GABRB2: variants seen among roughly 807,000 people sequenced by gnomAD.
GABRB2 encodes gamma-aminobutyric acid type A receptor subunit beta2.
Under a neutral mutation model 54.7 loss-of-function variants are expected in GABRB2, and 16 were observed. That is an observed-to-expected ratio of 0.29 (90% CI 0.20 to 0.44). The LOEUF (loss-of-function observed/expected upper bound fraction) is 0.44. GABRB2 is among the 20% of genes least tolerant of loss of function. The pLI is 1.00. For synonymous variants in GABRB2, 244 were observed against 233.8 expected (o/e 1.04, Z -0.40); for missense variants, 355 against 644.0 (o/e 0.55, Z 4.86).
At chr5:161,346,827 T>G (rs1754330851) in intron 5 of GABRB2, among the ~76,000 whole-genome samples, 1 of 152,166 alleles carries the variant, frequency 6.6e-6, no homozygotes, top group South Asian at 2.1e-4. Context: ...GGAAATTATC[T>G]TTTTTACTCA....
chr5:161,501,088 A>G (rs1451824878), intron 3 of GABRB2, among the ~76,000 whole-genome samples: 1 of 151,756 alleles, frequency 6.6e-6, no homozygotes, highest in Non-Finnish European at 1.5e-5. Flanking sequence ...TGTTTTAAAT[A>G]ATAAACTTCC....
At chr5:161,372,982 CATTT>C (rs1474686572) in intron 5 of GABRB2, among the ~76,000 whole-genome samples, 16 of 152,120 alleles carry the variant, frequency 1.1e-4, no homozygotes, top group African/African-American at 3.9e-4. Context: ...TAACATAGGA[CATTT>C]ATTTATAGAA....
At chr5:161,400,984 TAA>T (rs1756169226) in intron 5 of GABRB2, among the ~76,000 whole-genome samples, 1 of 152,152 alleles carries the variant, frequency 6.6e-6, no homozygotes, top group African/African-American at 2.4e-5. Flanking sequence ...TGTCTACTGC[TAA>T]AAGACTTCCC....
chr5:161,371,740 G>C (rs1755138331), intron 5 of GABRB2, among the ~76,000 whole-genome samples: 1 of 151,816 alleles, frequency 6.6e-6, no homozygotes, highest in Non-Finnish European at 1.5e-5. Context: ...TATTGTTTTT[G>C]AGACAGGGTC....
At chr5:161,411,132 A>T in intron 4 of GABRB2, 75 bp from the exon 5 acceptor site, 1 of 1,117,536 alleles carries the variant, frequency 8.9e-7, no homozygotes, top group South Asian at 1.3e-5. Context: ...TCTAAGTATC[A>T]AAGAAGAGAC....
chr5:161,336,829 AGAC>A, intron 5 of GABRB2, 60 bp from the exon 6 acceptor site: 1 of 1,479,336 alleles, frequency 6.8e-7, no homozygotes, highest in Non-Finnish European at 9.1e-7. Flanking sequence ...AAAAAAAAAC[AGAC>A]AAAACAGAAA....
intron 3 of GABRB2, among the ~76,000 whole-genome samples, chr5:161,483,060 C>T (rs1181523435): frequency 6.6e-6 from 1 of 151,972 alleles, no homozygotes; most frequent in Admixed American, 6.6e-5. Context: ...AATTTAATGG[C>T]TACCAATAAG....
intron 5 of GABRB2, among the ~76,000 whole-genome samples, chr5:161,394,179 T>C (rs1755924387): frequency 6.6e-6 from 1 of 151,766 alleles, no homozygotes; most frequent in Middle Eastern, 3.4e-3. Context: ...AGCATGAAAA[T>C]ACATTAAGAT....
At chr5:161,385,010 T>G (rs980952692) in intron 5 of GABRB2, among the ~76,000 whole-genome samples, 1 of 152,144 alleles carries the variant, frequency 6.6e-6, no homozygotes, top group African/African-American at 2.4e-5. Flanking sequence ...TTAAATATGC[T>G]TTTCCAAGAC....
intron 5 of GABRB2, among the ~76,000 whole-genome samples, chr5:161,397,725 C>T (rs1248502013): frequency 6.6e-6 from 1 of 152,246 alleles, no homozygotes; most frequent in Non-Finnish European, 1.5e-5. Context: ...AGTTTAACAC[C>T]TTAACGACCA....
At chr5:161,452,559 T>C (rs537193991) in intron 4 of GABRB2, among the ~76,000 whole-genome samples, 11 of 152,346 alleles carry the variant, frequency 7.2e-5, no homozygotes, top group African/African-American at 2.4e-4. Flanking sequence ...TGCTTGCGCT[T>C]CAGCTGAGTT....
At chr5:161,530,555 C>G (rs1282452977) in intron 3 of GABRB2, among the ~76,000 whole-genome samples, 4 of 151,962 alleles carry the variant, frequency 2.6e-5, no homozygotes, top group Non-Finnish European at 4.4e-5. Flanking sequence ...TGTTACAAAG[C>G]AATTGGAAAA....
At chr5:161,506,358 G>C (rs1156754513) in intron 3 of GABRB2, among the ~76,000 whole-genome samples, 2 of 152,090 alleles carry the variant, frequency 1.3e-5, no homozygotes, top group Non-Finnish European at 2.9e-5. Context: ...ACTCCCATTA[G>C]GCATTTTGTA....
chr5:161,345,549 C>G (rs1459002478), intron 5 of GABRB2, among the ~76,000 whole-genome samples: 1 of 152,068 alleles, frequency 6.6e-6, no homozygotes, highest in Non-Finnish European at 1.5e-5. Flanking sequence ...CCTCAAGGTT[C>G]TGGTTCAAGT....
rs1055487227 is a variant in GABRB2 at position 161,293,990 on chromosome 5, C to T, written c.*91G>A. On this transcript the variant is annotated 3_prime_UTR_variant, in exon 10 of 10. Transcript: ENST00000393959. The stretch of plus-strand genomic sequence containing the variant: ...TAAGGTATTTTAGCGTCACTTTTGT[C>T]CTGGATTGATGTGTTTTCCAAGTCC... 29 of 990,914 alleles carry T rather than the reference C, an allele frequency of 2.9e-5. No individual in the cohort carries two copies. In the South Asian group the frequency reaches 3.9e-4, roughly 13 times the overall value. 61.4% of individuals were successfully genotyped at this position (990,914 alleles called of 1,614,324 possible). A position where few individuals can be genotyped will look rare whatever the true frequency, so the allele number is the denominator to read the frequency against.
intron 5 of GABRB2, among the ~76,000 whole-genome samples, chr5:161,351,713 A>G (rs1754475494): frequency 6.6e-6 from 1 of 152,140 alleles, no homozygotes; most frequent in Non-Finnish European, 1.5e-5. Flanking sequence ...GAATACATCA[A>G]ATTAAAAGGC....
chr5:161,393,390 G>T (rs1295568807), intron 5 of GABRB2, among the ~76,000 whole-genome samples: 1 of 138,784 alleles, frequency 7.2e-6, no homozygotes, highest in Non-Finnish European at 1.5e-5. Flanking sequence ...AAAAGGCCAC[G>T]GGCTGGATTT....
intron 5 of GABRB2, among the ~76,000 whole-genome samples, chr5:161,384,885 G>C (rs993573567): frequency 1.4e-4 from 21 of 152,092 alleles, no homozygotes; most frequent in African/African-American, 4.3e-4. Context: ...CTGGATGTAT[G>C]GTAGAAATGA....
rs1190888436 is a variant in GABRB2, at chr5:161,289,374, T to A, written c.*4707A>T. On this transcript the variant is annotated 3_prime_UTR_variant, in exon 10 of 10. Coordinates refer to ENST00000393959, the MANE Select transcript of GABRB2 (RefSeq NM_001371727.1). ...CTTTGGTGTGAAGCAGCGTCCTTTTTTTCCCCCATTATCTCATTTTTTTTT... is the reference window on the plus strand; with the variant it reads ...CTTTGGTGTGAAGCAGCGTCCTTTTATTCCCCCATTATCTCATTTTTTTTT... 6.6e-6 allele frequency: 1 copy of A among 152,102 alleles called. No homozygotes were observed. The highest frequency in any genetic ancestry group is 2.4e-5 in the African/African-American group (1 of 41,270). The allele number at this position is 152,102 out of a possible 1,614,324, so 9.4% of individuals were successfully genotyped here. A position where few individuals can be genotyped will look rare whatever the true frequency, so the allele number is the denominator to read the frequency against.
Sources: allele counts gnomAD v4.1 joint callset (sites outside exome capture counted in the v4.1 genomes callset), GRCh38; gene constraint gnomAD v4.1.1; transcripts MANE v1.5; gene names NCBI Gene and HGNC (gene_info 2026-07-23, HGNC 2026-07-21).